The following CTNNA3 variants were observed in gnomAD, a reference collection of about 807,000 sequenced individuals.
CTNNA3 encodes the protein catenin alpha-3.
In CTNNA3, 76 loss-of-function variants were observed where a neutral mutation model predicts 95.7. The ratio of observed to expected loss-of-function variants is 0.79; its 90% CI spans 0.66 to 0.96. The LOEUF (loss-of-function observed/expected upper bound fraction) is 0.96. Among genes scored for constraint, CTNNA3 ranks in the 40% least tolerant of loss-of-function variants. The pLI is 0.00. For synonymous variants in CTNNA3, 431 were observed against 374.4 expected, an observed-to-expected ratio of 1.15 and a Z score of -1.74; for missense variants, 1,191 against 1,089.8, an observed-to-expected ratio of 1.09 and a Z score of -1.31.
intron 5 of CTNNA3, among the ~76,000 whole-genome samples, chr10:67,475,863 A>G (rs1186012267): frequency 6.6e-6 from 1 of 152,234 alleles, no homozygotes; most frequent in Admixed American, 6.5e-5. Flanking sequence ...GTAAGAAATC[A>G]CTATCGTTTC....
At chr10:67,536,926 T>G (rs893372750) in intron 4 of CTNNA3, among the ~76,000 whole-genome samples, 1 of 152,124 alleles carries the variant, frequency 6.6e-6, no homozygotes, top group Non-Finnish European at 1.5e-5. Flanking sequence ...TCATTCTACA[T>G]GAAGTCTTGA....
intron 7 of CTNNA3, among the ~76,000 whole-genome samples, chr10:66,968,429 A>G (rs1849551699): frequency 1.3e-5 from 2 of 151,220 alleles, no homozygotes; most frequent in Non-Finnish European, 2.9e-5. Flanking sequence ...AAAAAAAGAG[A>G]CAAGATGAAT....
chr10:65,927,502 C>T (rs2077185219), intron 17 of CTNNA3, among the ~76,000 whole-genome samples: 1 of 152,146 alleles, frequency 6.6e-6, no homozygotes, highest in South Asian at 2.1e-4. Flanking sequence ...TGCTATAGAG[C>T]ACCACAGATT....
At chr10:67,059,204 C>A (rs1855612905) in intron 7 of CTNNA3, among the ~76,000 whole-genome samples, 1 of 152,118 alleles carries the variant, frequency 6.6e-6, no homozygotes, top group Admixed American at 6.6e-5. Flanking sequence ...TCAAGTTGGT[C>A]ACATTATAAG....
chr10:67,063,396 AG>A (rs1175787648), intron 7 of CTNNA3, among the ~76,000 whole-genome samples: 1 of 152,212 alleles, frequency 6.6e-6, no homozygotes, highest in Non-Finnish European at 1.5e-5. Context: ...GCCTTTAAAA[AG>A]TTAGGGGTCT....
At chr10:67,445,897 C>T (rs1347371475) in intron 5 of CTNNA3, among the ~76,000 whole-genome samples, 2 of 152,150 alleles carry the variant, frequency 1.3e-5, no homozygotes, top group African/African-American at 4.8e-5. Context: ...AGACAGTGAG[C>T]TTCCTGAGGG....
At chr10:66,912,734 G>C (rs1432387063) in intron 7 of CTNNA3, among the ~76,000 whole-genome samples, 1 of 151,996 alleles carries the variant, frequency 6.6e-6, no homozygotes, top group Admixed American at 6.6e-5. Context: ...TTAGCAGGTT[G>C]GTCTAGGCTA....
At chr10:67,581,478 T>C (rs1475336091) in intron 3 of CTNNA3, among the ~76,000 whole-genome samples, 1 of 152,218 alleles carries the variant, frequency 6.6e-6, no homozygotes. Flanking sequence ...TTATTGAGGA[T>C]CTTTGCATTG....
At chr10:66,410,937 T>C (rs1022112589) in intron 11 of CTNNA3, among the ~76,000 whole-genome samples, 2 of 152,162 alleles carry the variant, frequency 1.3e-5, no homozygotes, top group African/African-American at 4.8e-5. Flanking sequence ...TCTCAATATA[T>C]AGAAGAGTAT....
chr10:66,730,896 A>C (rs1848938538), intron 9 of CTNNA3, among the ~76,000 whole-genome samples: 1 of 152,208 alleles, frequency 6.6e-6, no homozygotes, highest in Non-Finnish European at 1.5e-5. Context: ...TCTGACTAAA[A>C]CTATGCAAAA....
At chr10:67,585,550 C>G (rs7920418) in intron 3 of CTNNA3, among the ~76,000 whole-genome samples, 61,168 of 151,894 alleles carry the variant, frequency 0.4, 15,909 homozygotes, top group African/African-American at 0.71. Flanking sequence ...TTCTTTCCTG[C>G]TTCAATCTTG....
chr10:67,745,054 G>A (rs1242359995), intron 1 of CTNNA3, among the ~76,000 whole-genome samples: 1 of 152,080 alleles, frequency 6.6e-6, no homozygotes, highest in Non-Finnish European at 1.5e-5. Context: ...CTTTTACACT[G>A]TTGGTGGGAC....
At chr10:66,859,465 G>A (rs1006104150) in intron 7 of CTNNA3, among the ~76,000 whole-genome samples, 10 of 151,954 alleles carry the variant, frequency 6.6e-5, no homozygotes, top group African/African-American at 2.2e-4. Context: ...ACCACAATGA[G>A]ATATCATCTC....
chr10:66,823,181 A>G (rs1012106786), intron 7 of CTNNA3, among the ~76,000 whole-genome samples: 1 of 152,202 alleles, frequency 6.6e-6, no homozygotes, highest in Admixed American at 6.5e-5. Flanking sequence ...CCACATTCCT[A>G]GCTGGTGGTG....
At chr10:66,555,136 T>A (rs531166023) in intron 10 of CTNNA3, among the ~76,000 whole-genome samples, 1 of 152,272 alleles carries the variant, frequency 6.6e-6, no homozygotes, top group East Asian at 1.9e-4. Flanking sequence ...GGGGTTCTAG[T>A]CAGCGTAGTC....
At chr10:66,668,853 T>A (rs1236141506) in intron 9 of CTNNA3, among the ~76,000 whole-genome samples, 2 of 151,616 alleles carry the variant, frequency 1.3e-5, no homozygotes, top group Non-Finnish European at 1.5e-5. Flanking sequence ...ATATATTCTA[T>A]ATATATATAT....
rs1452855139 is a variant in CTNNA3 at position 66,923,609 on chromosome 10, T to A, written c.1048-148085A>T. Among the ~76,000 whole-genome samples, 3 of 152,368 alleles carry A rather than the reference T, an allele frequency of 2.0e-5. No individual in the cohort carries two copies. In the East Asian group the frequency reaches 5.8e-4, roughly 29 times the overall value. On this transcript the variant is annotated intron_variant, in intron 7 of 17. Transcript: ENST00000433211. ...GTGCAAAGGAGAATAGTCAAAAGCA[T>A]ATTTACTGTTCTCATGAAATTTGTA...
chr10:66,515,345 C>CTCTCTCTATATATA (rs558913767), intron 11 of CTNNA3, among the ~76,000 whole-genome samples: 62 of 148,984 alleles, frequency 4.2e-4, no homozygotes, highest in South Asian at 2.7e-3. Flanking sequence ...CTCTCTCTCT[C>CTCTCTCTATATATA]TATATATATA....
chr10:67,518,191 A>G (rs1476446594), intron 5 of CTNNA3, among the ~76,000 whole-genome samples: 1 of 152,174 alleles, frequency 6.6e-6, no homozygotes, highest in East Asian at 1.9e-4. Flanking sequence ...ACTGTACTAC[A>G]TGGATTCTCA....
Sources: allele counts gnomAD v4.1 joint callset (sites outside exome capture counted in the v4.1 genomes callset), GRCh38; gene constraint gnomAD v4.1.1; transcripts MANE v1.5; gene names NCBI Gene and HGNC (gene_info 2026-07-23, HGNC 2026-07-21).